The following PGCKA1 variants were observed in gnomAD, a reference collection of about 807,000 sequenced individuals.
The protein encoded by PGCKA1 is PDCD10 and GCKIII kinases associated 1.
chr4:37,456,127 G>A, the PGCKA1 span, among the ~76,000 whole-genome samples: 1 of 152,262 alleles, frequency 6.6e-6, no homozygotes, highest in East Asian at 1.9e-4. Context: ...AGACTTTGTA[G>A]GTGTGTAGAA....
the PGCKA1 span, among the ~76,000 whole-genome samples, chr4:37,580,296 G>A: frequency 6.6e-5 from 9 of 135,424 alleles, no homozygotes; most frequent in East Asian, 8.0e-4. Context: ...TAGTTCTTTC[G>A]GTGAGGTCAT....
At chr4:37,586,333 A>G in the PGCKA1 span, among the ~76,000 whole-genome samples, 2 of 152,184 alleles carry the variant, frequency 1.3e-5, no homozygotes, top group Non-Finnish European at 2.9e-5. Context: ...TTTTTAATCC[A>G]TAGCCATTAA....
At chr4:37,515,727 T>A in the PGCKA1 span, among the ~76,000 whole-genome samples, 1 of 152,154 alleles carries the variant, frequency 6.6e-6, no homozygotes, top group African/African-American at 2.4e-5. Context: ...TAGTAAAAAA[T>A]TTCCCTTCTA....
At chr4:37,516,126 GTCA>G in the PGCKA1 span, among the ~76,000 whole-genome samples, 1 of 152,184 alleles carries the variant, frequency 6.6e-6, no homozygotes, top group African/African-American at 2.4e-5. Context: ...GTTCCTTGAA[GTCA>G]TCATCTTTGT....
the PGCKA1 span, among the ~76,000 whole-genome samples, chr4:37,553,267 C>T: frequency 1.3e-5 from 2 of 150,720 alleles, no homozygotes; most frequent in Non-Finnish European, 3.0e-5. Context: ...AGATTTATCA[C>T]TTCAAAAAGT....
At chr4:37,549,376 A>C in the PGCKA1 span, among the ~76,000 whole-genome samples, 1 of 152,116 alleles carries the variant, frequency 6.6e-6, no homozygotes, top group Non-Finnish European at 1.5e-5. Context: ...GTTTTAACCC[A>C]GACTGTAGGG....
the PGCKA1 span, among the ~76,000 whole-genome samples, chr4:37,569,257 G>A: frequency 6.6e-6 from 1 of 151,178 alleles, no homozygotes; most frequent in Non-Finnish European, 1.5e-5. Context: ...GAGTGCAATG[G>A]CAAGATCTCG....
the PGCKA1 span, among the ~76,000 whole-genome samples, chr4:37,512,454 CTTTTTTTTT>C: frequency 7.9e-6 from 1 of 126,960 alleles, no homozygotes; most frequent in East Asian, 2.3e-4. Flanking sequence ...GTGTTGATTT[CTTTTTTTTT>C]TTTTTTTTTG....
the PGCKA1 span, among the ~76,000 whole-genome samples, chr4:37,512,706 G>A: frequency 2.6e-5 from 4 of 151,792 alleles, no homozygotes; most frequent in African/African-American, 4.8e-5. Context: ...CACCCGCCTC[G>A]GCCTTCCTAA....
the PGCKA1 span, among the ~76,000 whole-genome samples, chr4:37,531,006 A>G: frequency 6.6e-6 from 1 of 152,306 alleles, no homozygotes; most frequent in East Asian, 1.9e-4. Context: ...AAAGGGAAAA[A>G]AAAACTGTTT....
chr4:37,472,478 CT>C, the PGCKA1 span, among the ~76,000 whole-genome samples: 1 of 152,188 alleles, frequency 6.6e-6, no homozygotes, highest in Non-Finnish European at 1.5e-5. Context: ...TGCCCCATCT[CT>C]GTTTCCCTTA....
the PGCKA1 span, among the ~76,000 whole-genome samples, chr4:37,578,345 T>G: frequency 6.6e-6 from 1 of 152,252 alleles, no homozygotes; most frequent in Non-Finnish European, 1.5e-5. Flanking sequence ...AAATCTATTT[T>G]GTCTGACATA....
chr4:37,525,612 A>G, the PGCKA1 span, among the ~76,000 whole-genome samples: 1 of 152,194 alleles, frequency 6.6e-6, no homozygotes, highest in African/African-American at 2.4e-5. Context: ...CAGAAAATAT[A>G]TTGCAGTCAG....
the PGCKA1 span, among the ~76,000 whole-genome samples, chr4:37,527,952 A>G: frequency 1.3e-5 from 2 of 152,348 alleles, no homozygotes; most frequent in South Asian, 2.1e-4. Context: ...GGTAGGCTAC[A>G]CCATCTAGAT....
the PGCKA1 span, among the ~76,000 whole-genome samples, chr4:37,524,027 C>T: frequency 6.6e-6 from 1 of 152,208 alleles, no homozygotes; most frequent in Admixed American, 6.5e-5. Context: ...CTGTCCATAG[C>T]ATTTCTTTCA....
At chr4:37,549,783 T>G in the PGCKA1 span, among the ~76,000 whole-genome samples, 1 of 151,628 alleles carries the variant, frequency 6.6e-6, no homozygotes, top group East Asian at 1.9e-4. Context: ...ATCAGTAGAC[T>G]GGGGGCTGTA....
chr4:37,565,306 A>G, the PGCKA1 span, among the ~76,000 whole-genome samples: 3 of 152,092 alleles, frequency 2.0e-5, no homozygotes, highest in Non-Finnish European at 2.9e-5. Flanking sequence ...AAACCTTCGC[A>G]TGGGGCCATA....
chr4:37,591,723 A>G, the PGCKA1 span: 1 of 152,244 alleles, frequency 6.6e-6, no homozygotes, highest in African/African-American at 2.4e-5. Flanking sequence ...AAAACTGCTT[A>G]TGTCATATTT....
the PGCKA1 span, among the ~76,000 whole-genome samples, chr4:37,466,691 G>T: frequency 6.6e-6 from 1 of 151,358 alleles, no homozygotes; most frequent in Non-Finnish European, 1.5e-5. Flanking sequence ...CTGGTAATGG[G>T]ATAGGAAATG....
Sources: allele counts gnomAD v4.1 joint callset (sites outside exome capture counted in the v4.1 genomes callset), GRCh38; gene constraint gnomAD v4.1.1; transcripts MANE v1.5; gene names NCBI Gene and HGNC (gene_info 2026-07-23, HGNC 2026-07-21).